The following LRRC27 variants were observed in gnomAD, a reference collection of about 807,000 sequenced individuals.
The protein encoded by LRRC27 is leucine rich repeat containing 27, also known as leucine-rich repeat-containing protein 27.
A neutral mutation model predicts 55.0 loss-of-function variants in LRRC27; 57 were observed. That is an observed-to-expected ratio of 1.04 (90% CI 0.84 to 1.29). LRRC27 has a LOEUF of 1.29. Among genes scored for constraint, LRRC27 ranks in the 50% most tolerant of loss-of-function variants. LRRC27 has a pLI of 0.00. For missense variants in LRRC27, 721 were observed against 651.5 expected, an observed-to-expected ratio of 1.11 and a Z score of -1.16; for synonymous variants, 278 against 251.9, an observed-to-expected ratio of 1.10 and a Z score of -0.98.
intron 2 of LRRC27, among the ~76,000 whole-genome samples, chr10:132,336,102 G>A (rs566282967): frequency 2.6e-5 from 4 of 152,222 alleles, no homozygotes; most frequent in East Asian, 1.9e-4. Context: ...CACAGGTGGT[G>A]CCTGCATTTC....
chr10:132,364,713 A>ACACCCACCCACACT (rs2068938718), intron 9 of LRRC27, among the ~76,000 whole-genome samples: 1 of 3,048 alleles, frequency 3.3e-4, no homozygotes, highest in African/African-American at 7.8e-4. Flanking sequence ...CCCCACACTC[A>ACACCCACCCACACT]TGCAGTCCGC....
chr10:132,335,050 G>C (rs1319368690), intron 2 of LRRC27: 1 of 152,204 alleles, frequency 6.6e-6, no homozygotes, highest in Non-Finnish European at 1.5e-5. Context: ...GGACCTAATA[G>C]GAAAGATGGA....
chr10:132,330,168 C>CAGT (rs1440092448), upstream of LRRC27: 1 of 414,406 alleles, frequency 2.4e-6, no homozygotes. Context: ...AAACTGAGCA[C>CAGT]AGTAAAGGGC....
At chr10:132,333,263 C>G in intron 1 of LRRC27, among the ~76,000 whole-genome samples, 1 of 151,648 alleles carries the variant, frequency 6.6e-6, no homozygotes, top group Non-Finnish European at 1.5e-5. Flanking sequence ...TCTTGGAACT[C>G]CATTGTACAA....
At chr10:132,354,500 T>G (rs554166607) in intron 7 of LRRC27, among the ~76,000 whole-genome samples, 1 of 152,098 alleles carries the variant, frequency 6.6e-6, no homozygotes, top group South Asian at 2.1e-4. Context: ...TGGCTGGGGC[T>G]GGGGGCTGGG....
intron 2 of LRRC27, among the ~76,000 whole-genome samples, chr10:132,335,509 A>G (rs973005902): frequency 2.8e-5 from 4 of 140,692 alleles, no homozygotes; most frequent in South Asian, 2.3e-4. Flanking sequence ...GATGTCGTCT[A>G]TTGGTTGTTG....
chr10:132,355,077 T>C (rs1414840705), intron 7 of LRRC27, among the ~76,000 whole-genome samples: 1 of 152,126 alleles, frequency 6.6e-6, no homozygotes, highest in Non-Finnish European at 1.5e-5. Context: ...TGTTCTTGTC[T>C]TGTTTTGTTT....
chr10:132,337,915 G>A (rs144546311), intron 3 of LRRC27, among the ~76,000 whole-genome samples: 1 of 152,384 alleles, frequency 6.6e-6, no homozygotes, highest in Non-Finnish European at 1.5e-5. Flanking sequence ...TGTAGCCACA[G>A]TGTCTTTTTG....
At position 132,355,899 on chromosome 10, in the gene LRRC27, C is replaced by A. The variant is rs373005655; in HGVS notation, c.1170+13C>A. On this transcript the variant is annotated intron_variant, in intron 8 of 10. Transcript: ENST00000368614. The stretch of plus-strand genomic sequence containing the variant: ...GCGGAGGAGCATGGTACGGCACGCG[C>A]GGGCGGTGACCGGGCACTAGTCCAG... The A allele has an allele frequency of 1.9e-6, 3 of 1,545,280 alleles. No individual in the cohort carries two copies. In the Admixed American group the frequency reaches 5.9e-5, roughly 30 times the overall value.
chr10:132,355,008 C>T (rs1251865509), intron 7 of LRRC27, among the ~76,000 whole-genome samples: 6 of 152,172 alleles, frequency 3.9e-5, no homozygotes, highest in Admixed American at 2.0e-4. Context: ...CCCTGGGCGG[C>T]GAGCTGTGAG....
At chr10:132,351,796 C>T in intron 7 of LRRC27, 43 bp downstream of exon 7, 2 of 1,564,324 alleles carry the variant, frequency 1.3e-6, no homozygotes, top group Non-Finnish European at 1.7e-6. Context: ...CCGCCCAGTG[C>T]ACCCGGAACT....
rs182842486 is a variant in LRRC27 at position 132,372,996 on chromosome 10, G to T, written c.1417-2070G>T. 1.3e-5 allele frequency among the ~76,000 whole-genome samples: 2 copies of T among 152,238 alleles called. No individual in the cohort carries two copies. Among genetic ancestry groups the T allele is most frequent in the East Asian group, 1.9e-4 (1 of 5,172 alleles). On this transcript the variant is annotated intron_variant, in intron 10 of 10. Transcript: ENST00000368614. The surrounding 1 kb of genome is among the most constrained non-coding windows in gnomAD (Gnocchi z 4.0). Reference sequence around the variant, plus strand: ...GAGAGGCCAAAGCCAGCCGGCTGGGGAGCGAGCTTCGAATGGATGCGAACA... The same window carrying T: ...GAGAGGCCAAAGCCAGCCGGCTGGGTAGCGAGCTTCGAATGGATGCGAACA...
chr10:132,376,893 A>AT lies in LRRC27; in HGVS notation c.*1651_*1652insT, dbSNP rs2069344835. 6.6e-6 allele frequency: 1 copy of AT among 152,242 alleles called. No individual in the cohort carries two copies. The highest frequency in any genetic ancestry group is 2.4e-5 in the African/African-American group (1 of 41,452). 9.4% of individuals were successfully genotyped at this position (152,242 alleles called of 1,614,324 possible). ...GTGAACAGTTCTAGCTATGATCATG[A>AT]ACATGTGTTTTCTTCTTAGTTATGT... On this transcript the variant is annotated 3_prime_UTR_variant, in exon 11 of 11. Coordinates refer to ENST00000368614, the MANE Select transcript of LRRC27 (RefSeq NM_030626.3).
intron 6 of LRRC27, among the ~76,000 whole-genome samples, chr10:132,349,451 A>G (rs777095768): frequency 1.3e-5 from 2 of 152,216 alleles, no homozygotes; most frequent in East Asian, 3.8e-4. Flanking sequence ...AGCAGCACAC[A>G]CAGCAGGTTC....
Position 132,365,568 on chromosome 10 carries a change from C to T in LRRC27, c.1416+18C>T, listed in dbSNP as rs1554901391. The T allele has an allele frequency of 1.9e-6, 3 of 1,609,786 alleles. No homozygotes were observed. Among genetic ancestry groups the T allele is most frequent in the Admixed American group, 1.7e-5 (1 of 59,128 alleles). Reference sequence around the variant, plus strand: ...TGGAAATTGTAAGGATTTCTTGGTTCTGTTTAAAAAAGTGTGGGGTGTTTT... The same window carrying T: ...TGGAAATTGTAAGGATTTCTTGGTTTTGTTTAAAAAAGTGTGGGGTGTTTT... On this transcript the variant is annotated intron_variant, in intron 10 of 10. Coordinates refer to ENST00000368614, the MANE Select transcript of LRRC27 (RefSeq NM_030626.3).
rs532555913 is a variant in LRRC27 at position 132,373,401 on chromosome 10, C to T, written c.1417-1665C>T. 1.6e-4 allele frequency among the ~76,000 whole-genome samples: 25 copies of T among 152,172 alleles called. No homozygotes were observed. The East Asian group carries it at 2.9e-3, about 18-fold the overall frequency. On this transcript the variant is annotated intron_variant, in intron 10 of 10. Coordinates refer to ENST00000368614, the MANE Select transcript of LRRC27 (RefSeq NM_030626.3). ...TCCTGCTAGAAGGGCCCACACATGC[C>T]GGCACCATGGCTCAGCATCCCGAAC... is the stretch of plus-strand genomic sequence containing the variant.
rs72863845 is a variant in LRRC27 at position 132,379,421 on chromosome 10, G to T, written c.*4179G>T. The T allele has an allele frequency of 0.14, 21,611 of 151,538 alleles. 1,898 individuals carry two copies. The highest frequency in any genetic ancestry group is 0.23 in the Middle Eastern group (66 of 288). 9.4% of individuals were successfully genotyped at this position (151,538 alleles called of 1,614,324 possible). A position where few individuals can be genotyped will look rare whatever the true frequency, so the allele number is the denominator to read the frequency against. ...CATTTCCTCTCACCTCCGAGCTCTCGGGGAGTGCGTGGTCTCAGATCCCAT... is the reference window on the plus strand; with the variant it reads ...CATTTCCTCTCACCTCCGAGCTCTCTGGGAGTGCGTGGTCTCAGATCCCAT... On this transcript the variant is annotated 3_prime_UTR_variant, in exon 11 of 11. Coordinates refer to ENST00000368614, the MANE Select transcript of LRRC27 (RefSeq NM_030626.3).
At chr10:132,330,699 T>G (rs1007538736), upstream of LRRC27, among the ~76,000 whole-genome samples, 1 of 148,170 alleles carries the variant, frequency 6.7e-6, no homozygotes, top group African/African-American at 2.5e-5. Context: ...TTTTTAATTT[T>G]TGTAGAGACT....
rs2069406933 is a variant in LRRC27, at chr10:132,381,215, G to A, written c.*5973G>A. ...AAGGTGGCTGAAGCTGACTGGCTGAGTCTTCTGGCCTTCATCTCTCTCCCA... is the reference window on the plus strand; with the variant it reads ...AAGGTGGCTGAAGCTGACTGGCTGAATCTTCTGGCCTTCATCTCTCTCCCA... On this transcript the variant is annotated 3_prime_UTR_variant, in exon 11 of 11. Transcript: ENST00000368614. Among the ~76,000 whole-genome samples the A allele has an allele frequency of 6.6e-6, 1 of 152,236 alleles. No homozygotes were observed. Among genetic ancestry groups the A allele is most frequent in the Admixed American group, 6.5e-5 (1 of 15,290 alleles).
Sources: gnomAD v4.1 joint callset for allele counts (sites outside exome capture counted in the v4.1 genomes callset) on GRCh38, gnomAD v4.1.1 for gene constraint, Gnocchi (gnomAD v3.1) non-coding constraint, MANE v1.5 for transcripts, NCBI Gene and HGNC (gene_info 2026-07-23, HGNC 2026-07-21) for gene names.